The following SHISA7 variants were observed in gnomAD, a reference collection of about 807,000 sequenced individuals.
The protein encoded by SHISA7 is protein shisa-7.
Under a neutral mutation model 23.9 loss-of-function variants are expected in SHISA7, and 6 were observed. That is an observed-to-expected ratio of 0.25 (90% CI 0.14 to 0.50). The LOEUF is 0.50. Among genes scored for constraint, SHISA7 ranks in the 20% least tolerant of loss-of-function variants. SHISA7 has a pLI of 0.98. For synonymous variants in SHISA7, 386 were observed against 398.3 expected, an observed-to-expected ratio of 0.97 and a Z score of 0.37; for missense variants, 671 against 801.1, an observed-to-expected ratio of 0.84 and a Z score of 1.96.
At chr19:55,435,340 GTA>G (rs1985425650) in intron 3 of SHISA7, among the ~76,000 whole-genome samples, 5 of 126,714 alleles carry the variant, frequency 3.9e-5, no homozygotes, top group South Asian at 2.7e-4. Flanking sequence ...TGGTGTGTGT[GTA>G]TGGTGTGTAT....
Position 55,440,654 on chromosome 19 carries a change from C to T in SHISA7, c.783G>A (p.Arg261=). ...CGGTGTTGTAGAGGTTCTTGGGCGT[C>T]CTGGGGGGCATGCTGTCGGGACCGC... ...GIGGPDSMPP[R]TPKNLYNTVK... is the part of the protein sequence containing the mutation. Residue 261 remains arginine, a synonymous_variant, in exon 2 of 4, where the codon AGG becomes AGA. Coordinates refer to ENST00000376325, the MANE Select transcript of SHISA7 (RefSeq NM_001145176.2). The T allele has an allele frequency of 8.0e-7, 1 of 1,249,818 alleles. No homozygotes were observed. 77.4% of individuals were successfully genotyped at this position (1,249,818 alleles called of 1,614,324 possible). A position where few individuals can be genotyped will look rare whatever the true frequency, so the allele number is the denominator to read the frequency against.
In SHISA7 at chr19:55,442,347, C is replaced by G. The variant is rs1555754366; in HGVS notation, c.517G>C (p.Ala173Pro). ...GWLEGGRTGG[A>P]GGRGGEGPGG... ...GGGCCCTCGCCCCCGCGGCCCCCGGCACCCCCAGTCCGGCCCCCTTCCAAC... is the reference window on the plus strand; with the variant it reads ...GGGCCCTCGCCCCCGCGGCCCCCGGGACCCCCAGTCCGGCCCCCTTCCAAC... The change falls in exon 1 of 4, where the codon GCC becomes CCC. Residue 173 changes from alanine (A) to proline (P), a missense_variant. Coordinates refer to ENST00000376325, the MANE Select transcript of SHISA7 (RefSeq NM_001145176.2). The G allele has an allele frequency of 6.8e-7, 1 of 1,468,246 alleles. No individual in the cohort carries two copies. Among genetic ancestry groups the G allele is most frequent in the Non-Finnish European group, 9.0e-7 (1 of 1,117,000 alleles). The allele number at this position is 1,468,246 out of a possible 1,614,324, so 91.0% of individuals were successfully genotyped here.
intron 3 of SHISA7, among the ~76,000 whole-genome samples, chr19:55,434,624 T>A (rs1357530447): frequency 9.6e-6 from 1 of 103,734 alleles, no homozygotes; most frequent in African/African-American, 3.8e-5. Context: ...ATGGCGTGTG[T>A]GTGTGGTGTG....
chr19:55,434,707 TGTG>T (rs1432798110), intron 3 of SHISA7, among the ~76,000 whole-genome samples: 3 of 92,586 alleles, frequency 3.2e-5, no homozygotes, highest in African/African-American at 1.4e-4. Flanking sequence ...GTGTGTGTGG[TGTG>T]GGTGTGTGGT....
At chr19:55,435,132 G>T (rs1985407012) in intron 3 of SHISA7, among the ~76,000 whole-genome samples, 1 of 35,306 alleles carries the variant, frequency 2.8e-5, no homozygotes. Context: ...GGTGTGTGTG[G>T]TGTATGTGTA....
At position 55,440,339 on chromosome 19, in the gene SHISA7, G is replaced by A. The variant is rs560127738; in HGVS notation, c.826+272C>T. Among the ~76,000 whole-genome samples, 8 of 152,328 alleles carry A rather than the reference G, an allele frequency of 5.3e-5. No homozygotes were observed. The South Asian group carries it at 1.7e-3, about 32-fold the overall frequency. ...TTAGGTGGTCTGACACCGAGCGCAG[G>A]GGCTTGAGAATGTCTAAACCTACAT... On this transcript the variant is annotated intron_variant, in intron 2 of 3. Transcript: ENST00000376325.
At chr19:55,435,386 G>GTGTGGTGTATATGTGGTGT (rs1985429980) in intron 3 of SHISA7, among the ~76,000 whole-genome samples, 1 of 118,758 alleles carries the variant, frequency 8.4e-6, no homozygotes, top group African/African-American at 3.5e-5. Context: ...GTGTATATGT[G>GTGTGGTGTATATGTGGTGT]GTGTGTGTGT....
chr19:55,435,805 G>A (rs993061162), intron 3 of SHISA7, among the ~76,000 whole-genome samples: 1 of 151,292 alleles, frequency 6.6e-6, no homozygotes, highest in African/African-American at 2.4e-5. Context: ...GTGGGGTGGA[G>A]GGAGGATAGA....
chr19:55,429,820 C>G lies in SHISA7; in HGVS notation c.*3336G>C, dbSNP rs1238333399. ...TTAGGGAGGGAGGTGAAGGAGCACC[C>G]CTGGTCCCGCAGATGTGCTGGCAGG... On this transcript the variant is annotated 3_prime_UTR_variant, in exon 4 of 4. Coordinates refer to ENST00000376325, the MANE Select transcript of SHISA7 (RefSeq NM_001145176.2). The G allele has an allele frequency of 1.6e-5, 2 of 126,086 alleles. No homozygotes were observed. Among genetic ancestry groups the G allele is most frequent in the East Asian group, 1.2e-3 (2 of 1,718 alleles). The allele number at this position is 126,086 out of a possible 1,614,324, so 7.8% of individuals were successfully genotyped here.
At chr19:55,434,640 TTG>T (rs1168760858) in intron 3 of SHISA7, among the ~76,000 whole-genome samples, 3 of 74,694 alleles carry the variant, frequency 4.0e-5, no homozygotes, top group Admixed American at 1.5e-4. Flanking sequence ...GTGTGTGTGG[TTG>T]TGTGTATGGT....
chr19:55,437,527 C>G, intron 3 of SHISA7, 78 bp downstream of exon 3: 3 of 1,456,822 alleles, frequency 2.1e-6, no homozygotes, highest in Non-Finnish European at 2.7e-6. Flanking sequence ...GCTCTTGGGC[C>G]ACTGTCCACG....
At position 55,430,924 on chromosome 19, in the gene SHISA7, GT is replaced by G. The variant is rs1985176161; in HGVS notation, c.*2231del. On this transcript the variant is annotated 3_prime_UTR_variant, in exon 4 of 4. Coordinates refer to ENST00000376325, the MANE Select transcript of SHISA7 (RefSeq NM_001145176.2). ...GGGTTATGGTGGATCCTAGTGGATG[GT>G]GACAGCACTGGACCTCATGGATCAC... 1 of 150,982 alleles carries G rather than the reference GT, an allele frequency of 6.6e-6. No individual in the cohort carries two copies. Among genetic ancestry groups the G allele is most frequent in the Non-Finnish European group, 1.5e-5 (1 of 67,924 alleles). 9.4% of individuals were successfully genotyped at this position (150,982 alleles called of 1,614,324 possible). A position where few individuals can be genotyped will look rare whatever the true frequency, so the allele number is the denominator to read the frequency against.
chr19:55,435,216 GTGTGTGTGTA>G (rs1985414283), intron 3 of SHISA7, among the ~76,000 whole-genome samples: 1 of 126,376 alleles, frequency 7.9e-6, no homozygotes, highest in African/African-American at 3.2e-5. Flanking sequence ...TGTGTGTATG[GTGTGTGTGTA>G]TGTGTGTGTG....
At chr19:55,438,371 T>G (rs1356081381) in intron 2 of SHISA7, among the ~76,000 whole-genome samples, 1 of 152,128 alleles carries the variant, frequency 6.6e-6, no homozygotes, top group Non-Finnish European at 1.5e-5. Flanking sequence ...GGGAGAGAGA[T>G]GACCACTTTT....
In SHISA7 at chr19:55,442,703, G is replaced by C. The variant is rs1164271403; in HGVS notation, c.161C>G (p.Ala54Gly). 5 of 1,021,924 alleles carry C rather than the reference G, an allele frequency of 4.9e-6. No individual in the cohort carries two copies. Among genetic ancestry groups the C allele is most frequent in the Non-Finnish European group, 5.8e-6 (5 of 856,272 alleles). The allele number at this position is 1,021,924 out of a possible 1,614,324, so 63.3% of individuals were successfully genotyped here. Residue 54 changes from alanine to glycine, a missense_variant, in exon 1 of 4, where the codon GCG (alanine) becomes GGG (glycine). Coordinates refer to ENST00000376325, the MANE Select transcript of SHISA7 (RefSeq NM_001145176.2). The part of the protein sequence containing the change: ...TGALTGGGGA[A>G]SPGANGTRTG... ...CCTGGTGCCGTTGGCGCCTGGGCTC[G>C]CCGCGCCCCCGCCGCCCGTCAGCGC...
intron 3 of SHISA7, among the ~76,000 whole-genome samples, chr19:55,434,648 ATGGTGTGTG>A (rs201807794): frequency 0.46 from 34,668 of 75,480 alleles, 6,762 homozygotes; most frequent in East Asian, 0.78. Flanking sequence ...GGTTGTGTGT[ATGGTGTGTG>A]TGGTGTGTGT....
rs552255436 is a variant in SHISA7 at position 55,431,892 on chromosome 19, C to G, written c.*1264G>C. On this transcript the variant is annotated 3_prime_UTR_variant, in exon 4 of 4. Coordinates refer to ENST00000376325, the MANE Select transcript of SHISA7 (RefSeq NM_001145176.2). The stretch of plus-strand genomic sequence containing the variant: ...AGGAGTCATGGCACAGATGTGGGAT[C>G]CAAGGCCCCATTTCCCCTCAGAGGG... The G allele has an allele frequency of 4.3e-4, 66 of 152,300 alleles. No individual in the cohort carries two copies. Among genetic ancestry groups the G allele is most frequent in the African/African-American group, 1.4e-3 (57 of 41,552 alleles). 9.4% of individuals were successfully genotyped at this position (152,300 alleles called of 1,614,324 possible).
Position 55,433,139 on chromosome 19 carries a change from C to A in SHISA7, c.*17G>T. 2 of 1,514,106 alleles carry A rather than the reference C, an allele frequency of 1.3e-6. No homozygotes were observed. Among genetic ancestry groups the A allele is most frequent in the East Asian group, 2.7e-5 (1 of 37,220 alleles). The allele number at this position is 1,514,106 out of a possible 1,614,324, so 93.8% of individuals were successfully genotyped here. On this transcript the variant is annotated 3_prime_UTR_variant, in exon 4 of 4. Coordinates refer to ENST00000376325, the MANE Select transcript of SHISA7 (RefSeq NM_001145176.2). The surrounding 1 kb of genome is among the most constrained non-coding windows in gnomAD (Gnocchi z 8.4). ...GGGGGCCCGGGAGGCCGCAGCCCCC[C>A]AGACCCGGCCCTGGCCTCAGACAGT...
Position 55,433,402 on chromosome 19 carries a change from C to T in SHISA7, c.1371G>A (p.Gly457=), listed in dbSNP as rs1211503402. ...LAASHSNLLL[G]PGGPPTPLRG... Reference sequence around the variant, plus strand: ...GCAGCGGTGTTGGGGGCCCCCCGGGCCCCAGCAGCAGGTTGGAGTGCGAGG... The same window carrying T: ...GCAGCGGTGTTGGGGGCCCCCCGGGTCCCAGCAGCAGGTTGGAGTGCGAGG... Residue 457 remains glycine (G), a synonymous_variant, in exon 4 of 4, where the codon GGG becomes GGA. Coordinates refer to ENST00000376325, the MANE Select transcript of SHISA7 (RefSeq NM_001145176.2). The surrounding 1 kb of genome is among the most constrained non-coding windows in gnomAD (Gnocchi z 8.4). 4 of 1,325,934 alleles carry T rather than the reference C, an allele frequency of 3.0e-6. No homozygotes were observed. In the East Asian group the frequency reaches 9.5e-5, roughly 32 times the overall value. 82.1% of individuals were successfully genotyped at this position (1,325,934 alleles called of 1,614,324 possible).
Sources: gnomAD v4.1 joint callset for allele counts (sites outside exome capture counted in the v4.1 genomes callset) on GRCh38, gnomAD v4.1.1 for gene constraint, Gnocchi (gnomAD v3.1) non-coding constraint, MANE v1.5 for transcripts, NCBI Gene and HGNC (gene_info 2026-07-23, HGNC 2026-07-21) for gene names.